CCNH: variants seen among roughly 807,000 people sequenced by gnomAD.
The protein encoded by CCNH is cyclin-H.
A neutral mutation model predicts 41.9 loss-of-function variants in CCNH; 31 were observed. That is an observed-to-expected ratio of 0.74 (90% CI 0.56 to 1.00). The LOEUF (loss-of-function observed/expected upper bound fraction) is 1.00. Among genes scored for constraint, CCNH ranks in the 50% least tolerant of loss-of-function variants. The probability of loss-of-function intolerance (pLI) is 0.00; values close to 1 mark genes in which losing one functional copy is unlikely to be tolerated. For synonymous variants in CCNH, 138 were observed against 136.1 expected (o/e 1.01, Z -0.10); for missense variants, 362 against 388.4 (o/e 0.93, Z 0.57).
At chr5:87,324,652 T>C (rs1333424423) in intron 9 of CCNH, among the ~76,000 whole-genome samples, 1 of 152,232 alleles carries the variant, frequency 6.6e-6, no homozygotes, top group Admixed American at 6.5e-5. Context: ...CATGCACGCA[T>C]GTGCACACAC....
chr5:87,362,424 T>G, intron 9 of CCNH: 1 of 859,348 alleles, frequency 1.2e-6, no homozygotes, highest in East Asian at 2.7e-5. Flanking sequence ...AAAAGATCAT[T>G]TATGTGTTAT....
At position 87,399,418 on chromosome 5, in the gene CCNH, GCAGAATGACATCGCTCCAACTT is replaced by G. The variant is rs1763226487; in HGVS notation, c.826_847del (p.Lys276LeufsTer7). 1 of 1,613,316 alleles carries G rather than the reference GCAGAATGACATCGCTCCAACTT, an allele frequency of 6.2e-7. No homozygotes were observed. Among genetic ancestry groups the G allele is most frequent in the Admixed American group, 1.7e-5 (1 of 60,014 alleles). Reference sequence around the variant, plus strand: ...CGTGATTACGTTAAGTGCAAGCTCAGCAGAATGACATCGCTCCAACTTCTGTTTCAGAACAGCAACTTCTTCA... The same window carrying G: ...CGTGATTACGTTAAGTGCAAGCTCAGCTGTTTCAGAACAGCAACTTCTTCA... On this transcript the variant is annotated frameshift_variant, in exon 7 of 9. Transcript: ENST00000256897. LOFTEE classifies it high-confidence loss of function.
chr5:87,326,312 T>G (rs1757226136), intron 9 of CCNH, among the ~76,000 whole-genome samples: 1 of 152,172 alleles, frequency 6.6e-6, no homozygotes, highest in African/African-American at 2.4e-5. Flanking sequence ...ATTCCAAATT[T>G]AAAATAGAGT....
At chr5:87,357,348 C>T (rs1051394687) in intron 9 of CCNH, among the ~76,000 whole-genome samples, 2 of 151,998 alleles carry the variant, frequency 1.3e-5, no homozygotes, top group African/African-American at 2.4e-5. Context: ...CTCCAGATGA[C>T]GGATCCTGCC....
chr5:87,405,422 G>C (rs3093804), intron 4 of CCNH, among the ~76,000 whole-genome samples: 1 of 152,064 alleles, frequency 6.6e-6, no homozygotes, highest in African/African-American at 2.4e-5. Context: ...ACTAGACTTC[G>C]AATTCCCACA....
intron 9 of CCNH, among the ~76,000 whole-genome samples, chr5:87,348,295 T>C (rs951406347): frequency 2.0e-5 from 3 of 152,004 alleles, no homozygotes; most frequent in African/African-American, 7.2e-5. Flanking sequence ...ATTAGTAATT[T>C]ACCCCTCAAA....
intron 1 of CCNH, among the ~76,000 whole-genome samples, chr5:87,411,727 C>T (rs1029645672): frequency 2.6e-5 from 4 of 151,960 alleles, no homozygotes; most frequent in African/African-American, 9.7e-5. Flanking sequence ...GTCATTACGT[C>T]ACAAGTTGTA....
In CCNH at chr5:87,364,218, T is replaced by G. The variant is rs1280070752; in HGVS notation, c.*90+28552A>C. 2.6e-5 allele frequency among the ~76,000 whole-genome samples: 4 copies of G among 152,290 alleles called. No homozygotes were observed. In the South Asian group the frequency reaches 8.3e-4, roughly 32 times the overall value. ...TTGTTTTTCTGCCGCAGGATGGCAT[T>G]TCTGTGAGGCAAATCTACGTTTTAT... is the stretch of plus-strand genomic sequence containing the variant. On this transcript the variant is annotated intron_variant and NMD_transcript_variant, in intron 9 of 9. Coordinates refer to the CCNH transcript ENST00000645953.
intron 9 of CCNH, chr5:87,341,215 C>A: frequency 1.1e-6 from 1 of 884,644 alleles, no homozygotes; most frequent in Non-Finnish European, 1.5e-6. Context: ...TTTGCAGATA[C>A]GATTTTCATG....
chr5:87,392,307 T>C (rs1363619282), downstream of CCNH: 1 of 455,972 alleles, frequency 2.2e-6, no homozygotes, highest in Non-Finnish European at 4.4e-6. Context: ...GTCTGCTTAG[T>C]AGTTCCAAGC....
chr5:87,393,671 G>A (rs1285765820), downstream of CCNH: 1 of 152,054 alleles, frequency 6.6e-6, no homozygotes, highest in Non-Finnish European at 1.5e-5. Flanking sequence ...GGATCTAATA[G>A]GTTAATTATA....
chr5:87,383,684 A>G, intron 9 of CCNH: 1 of 1,583,948 alleles, frequency 6.3e-7, no homozygotes, highest in South Asian at 1.1e-5. Context: ...TTTCTAAAAA[A>G]AAAAAAAAAA....
At chr5:87,394,989 A>T in intron 8 of CCNH, 55 bp downstream of exon 8, 1 of 1,611,402 alleles carries the variant, frequency 6.2e-7, no homozygotes. Context: ...CAGTATAGTC[A>T]CACCAGAATG....
chr5:87,390,725 T>C, downstream of CCNH: 6 of 1,260,088 alleles, frequency 4.8e-6, no homozygotes, highest in Non-Finnish European at 6.9e-6. Flanking sequence ...TACAGTTTTT[T>C]TCAAATCCAG....
intron 9 of CCNH, among the ~76,000 whole-genome samples, chr5:87,342,224 A>T (rs1758524371): frequency 6.7e-6 from 1 of 149,702 alleles, no homozygotes; most frequent in Admixed American, 6.7e-5. Flanking sequence ...CAATGGCACG[A>T]TCTCTGCTCA....
intron 9 of CCNH, among the ~76,000 whole-genome samples, chr5:87,352,735 A>C (rs1020587230): frequency 6.6e-6 from 1 of 151,638 alleles, no homozygotes; most frequent in African/African-American, 2.4e-5. Flanking sequence ...TGTAAATGTG[A>C]TAATAAAAAT....
At chr5:87,385,743 A>T (rs1388159362) in intron 9 of CCNH, among the ~76,000 whole-genome samples, 1 of 152,022 alleles carries the variant, frequency 6.6e-6, no homozygotes, top group Non-Finnish European at 1.5e-5. Flanking sequence ...TTATTTTTTT[A>T]AACACCTACA....
intron 9 of CCNH, among the ~76,000 whole-genome samples, chr5:87,364,855 G>A (rs1760386130): frequency 6.6e-6 from 1 of 152,074 alleles, no homozygotes; most frequent in Non-Finnish European, 1.5e-5. Context: ...GGGTTACTGA[G>A]GTAGCAAAAG....
At chr5:87,325,659 A>C (rs1446704435) in intron 9 of CCNH, among the ~76,000 whole-genome samples, 2 of 152,180 alleles carry the variant, frequency 1.3e-5, no homozygotes, top group Admixed American at 6.5e-5. Context: ...AAAAGGAAAA[A>C]CCAAGTGGAA....
Sources: gnomAD v4.1 joint callset for allele counts (sites outside exome capture counted in the v4.1 genomes callset) on GRCh38, gnomAD v4.1.1 for gene constraint, MANE v1.5 for transcripts, NCBI Gene and HGNC (gene_info 2026-07-23, HGNC 2026-07-21) for gene names.